Variants in ANXA4 observed in about 807,000 individuals in gnomAD.
ANXA4 encodes the protein 35-beta calcimedin.
In ANXA4, 39 loss-of-function variants were observed where a neutral mutation model predicts 49.8. The ratio of observed to expected loss-of-function variants is 0.78; its 90% CI spans 0.61 to 1.02. ANXA4 has a LOEUF of 1.02. Among genes scored for constraint, ANXA4 ranks in the 50% least tolerant of loss-of-function variants. ANXA4 has a pLI of 0.00. For missense variants in ANXA4, 360 were observed against 410.1 expected (o/e 0.88, Z 1.05); for synonymous variants, 134 against 152.5 (o/e 0.88, Z 0.89).
rs1177266386 is a variant in ANXA4, at chr2:69,757,266, ATTTTTTT to A, written c.-47+15108_-47+15114del. Among the ~76,000 whole-genome samples, 180 of 27,622 alleles carry A rather than the reference ATTTTTTT, an allele frequency of 6.5e-3. 2 individuals are homozygous for A. Among genetic ancestry groups the A allele is most frequent in the East Asian group, 0.06 (53 of 890 alleles). The allele number at this position is 27,622 out of a possible 152,430, so 18.1% of individuals were successfully genotyped here. On this transcript the variant is annotated intron_variant, in intron 1 of 12. Transcript: ENST00000394295. ...TATATATATATATATATATATATATATTTTTTTTTTTTTTTTTTTTTTTAGGTGGAGT... is the reference window on the plus strand; with the variant it reads ...TATATATATATATATATATATATATATTTTTTTTTTTTTTTTAGGTGGAGT...
chr2:69,710,652 T>C (rs1409338277), intron 2 of ANXA4, among the ~76,000 whole-genome samples: 1 of 151,976 alleles, frequency 6.6e-6, no homozygotes, highest in Non-Finnish European at 1.5e-5. Flanking sequence ...TAAAAAAAAG[T>C]GAACAGATAA....
At chr2:69,819,832 C>A (rs72839874) in intron 11 of ANXA4, among the ~76,000 whole-genome samples, 34,385 of 151,930 alleles carry the variant, frequency 0.23, 4,246 homozygotes, top group African/African-American at 0.33. Context: ...CTTTGGGAGG[C>A]TGAGGCGGGT....
At chr2:69,778,541 C>A (rs182992894) in intron 1 of ANXA4, among the ~76,000 whole-genome samples, 9 of 151,946 alleles carry the variant, frequency 5.9e-5, no homozygotes, top group Non-Finnish European at 1.3e-4. Context: ...TTTGGGAGGC[C>A]GAGGCGGGCA....
chr2:69,813,012 C>T (rs13432169), intron 8 of ANXA4, among the ~76,000 whole-genome samples: 20,956 of 152,076 alleles, frequency 0.14, 3,820 homozygotes, highest in African/African-American at 0.39. Flanking sequence ...TCACTGTGCA[C>T]TTTTACTTCA....
At chr2:69,690,062 G>A (rs905265878) in intron 2 of ANXA4, among the ~76,000 whole-genome samples, 5 of 151,848 alleles carry the variant, frequency 3.3e-5, no homozygotes, top group South Asian at 2.1e-4. Flanking sequence ...TATATTCCTC[G>A]TTCTTTTTTA....
intron 2 of ANXA4, among the ~76,000 whole-genome samples, chr2:69,714,818 C>G (rs1678821550): frequency 6.6e-6 from 1 of 152,188 alleles, no homozygotes; most frequent in African/African-American, 2.4e-5. Flanking sequence ...CTTGGCTTCC[C>G]CGGGGCTTGT....
intron 2 of ANXA4, among the ~76,000 whole-genome samples, chr2:69,783,128 G>C (rs1004380812): frequency 2.0e-5 from 3 of 152,094 alleles, no homozygotes; most frequent in African/African-American, 7.2e-5. Flanking sequence ...CTATGCTAAT[G>C]AGATAATGTA....
chr2:69,822,824 G>A (rs896060040), intron 12 of ANXA4, among the ~76,000 whole-genome samples: 1 of 151,796 alleles, frequency 6.6e-6, no homozygotes, highest in Non-Finnish European at 1.5e-5. Context: ...GTGATGAAAG[G>A]GTTTTAGAAA....
chr2:69,732,209 C>A (rs1670122656), intron 3 of ANXA4, among the ~76,000 whole-genome samples: 1 of 151,320 alleles, frequency 6.6e-6, no homozygotes, highest in Non-Finnish European at 1.5e-5. Flanking sequence ...AATCTCCTGA[C>A]CTCGTGATCC....
intron 3 of ANXA4, among the ~76,000 whole-genome samples, chr2:69,794,234 C>T (rs1672822222): frequency 1.3e-5 from 2 of 152,228 alleles, no homozygotes; most frequent in South Asian, 4.1e-4. Flanking sequence ...TAGAGGACAA[C>T]AGTCCTGTTA....
intron 6 of ANXA4, 117 bp downstream of exon 6, chr2:69,808,113 C>G (rs1228710575): frequency 1.1e-6 from 1 of 940,066 alleles, no homozygotes; most frequent in African/African-American, 1.6e-5. Flanking sequence ...ATGAGGGATC[C>G]TCGGTGCCAA....
At chr2:69,689,054 C>T (rs1022152387) in intron 2 of ANXA4, among the ~76,000 whole-genome samples, 1 of 152,096 alleles carries the variant, frequency 6.6e-6, no homozygotes, top group Non-Finnish European at 1.5e-5. Context: ...TCTTCTTCCT[C>T]TTCGAAAATA....
chr2:69,668,765 T>C, intron 2 of ANXA4, among the ~76,000 whole-genome samples: 1 of 152,210 alleles, frequency 6.6e-6, no homozygotes, highest in East Asian at 1.9e-4. Context: ...AATGAGACAC[T>C]TTGGCTTCTG....
rs190694252 is a variant in ANXA4 at position 69,746,932 on chromosome 2, A to T, written c.-47+4757A>T. ...AGGATCACTGGAGCCCAGGAGGCAA[A>T]GGTTGCAGTGAGCCAAAATTGCACT... is the stretch of plus-strand genomic sequence containing the variant. On this transcript the variant is annotated intron_variant, in intron 1 of 12. Transcript: ENST00000394295. Among the ~76,000 whole-genome samples the T allele has an allele frequency of 8.4e-4, 128 of 152,240 alleles. 1 individual carries two copies. Among genetic ancestry groups the T allele is most frequent in the African/African-American group, 2.9e-3 (122 of 41,540 alleles).
At chr2:69,759,124 T>C (rs6710136) in intron 1 of ANXA4, among the ~76,000 whole-genome samples, 73,822 of 142,762 alleles carry the variant, frequency 0.52, 19,178 homozygotes, top group East Asian at 0.79. Context: ...AGAGAGACTC[T>C]GTCTCAAAAA....
At chr2:69,656,189 GTA>G (rs151207766) in intron 2 of ANXA4, among the ~76,000 whole-genome samples, 40,425 of 127,656 alleles carry the variant, frequency 0.32, 6,800 homozygotes, top group East Asian at 0.49. Flanking sequence ...ATATATATAC[GTA>G]TATATATATA....
chr2:69,711,395 A>G (rs1372195481), intron 2 of ANXA4, among the ~76,000 whole-genome samples: 1 of 152,264 alleles, frequency 6.6e-6, no homozygotes, highest in Non-Finnish European at 1.5e-5. Context: ...TACATGTAAC[A>G]GCATAGATAA....
At chr2:69,718,673 G>A (rs1002769788) in intron 2 of ANXA4, among the ~76,000 whole-genome samples, 8 of 152,006 alleles carry the variant, frequency 5.3e-5, no homozygotes, top group Admixed American at 4.6e-4. Flanking sequence ...ACACAAACAT[G>A]TACACACGTA....
chr2:69,808,205 T>C (rs1673532994), intron 6 of ANXA4: 2 of 549,322 alleles, frequency 3.6e-6, no homozygotes, highest in Non-Finnish European at 6.5e-6. Flanking sequence ...GATGACACTC[T>C]ATTTTGCCTA....
Sources: gnomAD v4.1 joint callset for allele counts (sites outside exome capture counted in the v4.1 genomes callset) on GRCh38, gnomAD v4.1.1 for gene constraint, MANE v1.5 for transcripts, NCBI Gene and HGNC (gene_info 2026-07-23, HGNC 2026-07-21) for gene names.